The following CRTAC1 variants were observed in gnomAD, a reference collection of about 807,000 sequenced individuals.
The protein encoded by CRTAC1 is acidic secreted protein in cartilage.
In CRTAC1, 37 loss-of-function variants were observed where a neutral mutation model predicts 67.8. That is an observed-to-expected ratio of 0.55 (90% CI 0.42 to 0.72). The LOEUF (loss-of-function observed/expected upper bound fraction) is 0.72, where lower values mean the gene tolerates loss of function less well. Ranked by LOEUF, CRTAC1 falls within the 30% of genes least tolerant of loss-of-function variation. The pLI, the probability that CRTAC1 is intolerant of heterozygous loss-of-function variation, is 0.00. For synonymous variants in CRTAC1, 348 were observed against 371.0 expected (o/e 0.94, Z 0.71); for missense variants, 780 against 931.6 (o/e 0.84, Z 2.12).
chr10:97,980,865 G>A (rs1046496189), intron 2 of CRTAC1, among the ~76,000 whole-genome samples: 6 of 152,310 alleles, frequency 3.9e-5, no homozygotes, highest in East Asian at 1.9e-4. Context: ...GATGGAGAGC[G>A]GCTGAATAAG....
chr10:97,980,345 G>A (rs1300270073), intron 2 of CRTAC1, among the ~76,000 whole-genome samples: 1 of 152,174 alleles, frequency 6.6e-6, no homozygotes, highest in African/African-American at 2.4e-5. Context: ...CCTTGTACAT[G>A]GGCAAAGTTT....
chr10:97,890,993 T>C (rs992001609), intron 11 of CRTAC1, among the ~76,000 whole-genome samples: 1 of 152,220 alleles, frequency 6.6e-6, no homozygotes, highest in African/African-American at 2.4e-5. Context: ...TAGCCCATTA[T>C]ATCTTCTAAC....
chr10:97,926,368 C>G (rs1205184795), intron 3 of CRTAC1, among the ~76,000 whole-genome samples: 1 of 152,214 alleles, frequency 6.6e-6, no homozygotes, highest in East Asian at 1.9e-4. Flanking sequence ...CTCTGCCTCC[C>G]TCTCAGCGTC....
chr10:97,976,327 A>G (rs1049934506), intron 2 of CRTAC1, among the ~76,000 whole-genome samples: 1 of 152,204 alleles, frequency 6.6e-6, no homozygotes, highest in South Asian at 2.1e-4. Flanking sequence ...CAGCATGGGC[A>G]CTGGCTCCAG....
At chr10:97,928,999 G>A (rs892946878) in intron 3 of CRTAC1, among the ~76,000 whole-genome samples, 3 of 152,054 alleles carry the variant, frequency 2.0e-5, no homozygotes, top group African/African-American at 2.4e-5. Context: ...AATGCAGCGA[G>A]TGGCCACTAT....
At position 97,895,149 on chromosome 10, in the gene CRTAC1, G is replaced by T; in HGVS notation, c.1486+96C>A. On this transcript the variant is annotated intron_variant, in intron 11 of 14. Transcript: ENST00000370597. This position sits in a 1 kb window ranked among gnomAD's most constrained non-coding sequence, Gnocchi z 4.2. ...GGTGTCCACCATGGCTGTCACAGTA[G>T]AGCGGAGCGGTGCCCAAGGATGCTC... is the stretch of plus-strand genomic sequence containing the variant. 1 of 1,241,968 alleles carries T rather than the reference G, an allele frequency of 8.1e-7. No homozygotes were observed. Among genetic ancestry groups the T allele is most frequent in the Non-Finnish European group, 1.1e-6 (1 of 882,008 alleles). 76.9% of individuals were successfully genotyped at this position (1,241,968 alleles called of 1,614,324 possible). A position where few individuals can be genotyped will look rare whatever the true frequency, so the allele number is the denominator to read the frequency against.
intron 6 of CRTAC1, 98 bp from the exon 7 acceptor site, chr10:97,904,912 G>T: frequency 1.5e-6 from 2 of 1,367,800 alleles, no homozygotes; most frequent in South Asian, 1.7e-5. Context: ...TAGGGAGGGT[G>T]ACTCTCATCT....
At chr10:97,907,919 A>C in intron 6 of CRTAC1, 94 bp downstream of exon 6, 3 of 1,384,846 alleles carry the variant, frequency 2.2e-6, no homozygotes, top group Non-Finnish European at 3.0e-6. Flanking sequence ...CTCAGCCAGA[A>C]GAGACTATCC....
intron 2 of CRTAC1, among the ~76,000 whole-genome samples, chr10:97,941,666 C>T (rs1286942206): frequency 2.0e-5 from 3 of 152,144 alleles, no homozygotes; most frequent in Non-Finnish European, 4.4e-5. Flanking sequence ...CCCATCCTGT[C>T]GTTTCTACCT....
chr10:98,027,495 C>A (rs1372147913), intron 1 of CRTAC1, among the ~76,000 whole-genome samples: 1 of 152,140 alleles, frequency 6.6e-6, no homozygotes, highest in Non-Finnish European at 1.5e-5. Context: ...CCCACGCCAA[C>A]ATTCCTTGGC....
chr10:97,936,587 A>G (rs2051093665), intron 2 of CRTAC1, among the ~76,000 whole-genome samples: 1 of 152,320 alleles, frequency 6.6e-6, no homozygotes, highest in Admixed American at 6.5e-5. Flanking sequence ...GAGAGTCAGC[A>G]GGGGCCATGT....
intron 8 of CRTAC1, among the ~76,000 whole-genome samples, chr10:97,897,846 A>G (rs1049905205): frequency 1.8e-4 from 27 of 152,168 alleles, no homozygotes; most frequent in African/African-American, 6.0e-4. Flanking sequence ...GGTAGGGTGT[A>G]AGGAAGAATT....
chr10:97,917,328 G>A (rs2050773602), intron 5 of CRTAC1, among the ~76,000 whole-genome samples, 172 bp downstream of exon 5: 1 of 152,190 alleles, frequency 6.6e-6, no homozygotes, highest in African/African-American at 2.4e-5. Context: ...GAGGCAGTGT[G>A]GGAGAAGCCT....
At chr10:98,015,933 T>C (rs1380828288) in intron 1 of CRTAC1, among the ~76,000 whole-genome samples, 1 of 152,120 alleles carries the variant, frequency 6.6e-6, no homozygotes, top group Non-Finnish European at 1.5e-5. Flanking sequence ...AGGCACGAGA[T>C]TGGTTTAAGA....
At chr10:97,877,971 C>T (rs1238883397) in intron 14 of CRTAC1, among the ~76,000 whole-genome samples, 3 of 152,248 alleles carry the variant, frequency 2.0e-5, no homozygotes, top group East Asian at 3.8e-4. Context: ...TTTACCACTG[C>T]ATTTGGAACC....
intron 9 of CRTAC1, among the ~76,000 whole-genome samples, chr10:97,896,254 T>G (rs922969980): frequency 3.3e-5 from 5 of 152,344 alleles, no homozygotes; most frequent in Admixed American, 2.6e-4. Flanking sequence ...ATGGTCTTCT[T>G]TCTGGTCTTT....
At chr10:97,937,753 T>C (rs1244465060) in intron 2 of CRTAC1, among the ~76,000 whole-genome samples, 1 of 152,156 alleles carries the variant, frequency 6.6e-6, no homozygotes, top group East Asian at 1.9e-4. Context: ...CAGAAATGAA[T>C]GTCTGAGGCC....
At chr10:97,885,661 C>G (rs1022783282) in intron 11 of CRTAC1, among the ~76,000 whole-genome samples, 9 of 152,134 alleles carry the variant, frequency 5.9e-5, no homozygotes, top group African/African-American at 2.2e-4. Flanking sequence ...GAGGCGGGGG[C>G]TGGGCCTCAC....
chr10:97,938,215 G>A (rs901506456), intron 2 of CRTAC1, among the ~76,000 whole-genome samples: 1 of 152,168 alleles, frequency 6.6e-6, no homozygotes, highest in South Asian at 2.1e-4. Flanking sequence ...CTATGGAGAC[G>A]TGTCTAGGCA....
Sources: allele counts gnomAD v4.1 joint callset (sites outside exome capture counted in the v4.1 genomes callset), GRCh38; gene constraint gnomAD v4.1.1; non-coding constraint Gnocchi (gnomAD v3.1); transcripts MANE v1.5; gene names NCBI Gene and HGNC (gene_info 2026-07-23, HGNC 2026-07-21).